ISM1: variants seen among roughly 807,000 people sequenced by gnomAD.
ISM1 encodes the protein isthmin-1.
In ISM1, 25 loss-of-function variants were observed where a neutral mutation model predicts 46.3. The ratio of observed to expected loss-of-function variants is 0.54; its 90% CI spans 0.39 to 0.75. The LOEUF (loss-of-function observed/expected upper bound fraction) is 0.75, where lower values mean the gene tolerates loss of function less well. Among genes scored for constraint, ISM1 ranks in the 30% least tolerant of loss-of-function variants. ISM1 has a pLI of 0.00. For synonymous variants in ISM1, 255 were observed against 256.7 expected, an observed-to-expected ratio of 0.99 and a Z score of 0.06; for missense variants, 536 against 625.4, an observed-to-expected ratio of 0.86 and a Z score of 1.52.
chr20:13,228,977 G>A (rs1302244980), intron 1 of ISM1, among the ~76,000 whole-genome samples: 3 of 152,074 alleles, frequency 2.0e-5, no homozygotes, highest in African/African-American at 7.2e-5. Context: ...CAACCACTCT[G>A]AAACCCAGGA....
At chr20:13,275,633 T>C (rs1466149515) in intron 2 of ISM1, among the ~76,000 whole-genome samples, 1 of 152,218 alleles carries the variant, frequency 6.6e-6, no homozygotes, top group Non-Finnish European at 1.5e-5. Context: ...ATACTACATA[T>C]GAGCAGCTAT....
downstream of ISM1, among the ~76,000 whole-genome samples, chr20:13,302,811 C>T (rs2040470176): frequency 6.6e-6 from 1 of 152,082 alleles, no homozygotes; most frequent in Admixed American, 6.5e-5. Flanking sequence ...AACAGAGATG[C>T]CCACGGCCCT....
At chr20:13,276,796 C>T (rs1012849826) in intron 2 of ISM1, among the ~76,000 whole-genome samples, 4 of 152,120 alleles carry the variant, frequency 2.6e-5, no homozygotes, top group Admixed American at 6.5e-5. Flanking sequence ...AAACATAAAA[C>T]GAGCCCTCGC....
At chr20:13,224,879 T>C (rs1441015465) in intron 1 of ISM1, among the ~76,000 whole-genome samples, 2 of 143,344 alleles carry the variant, frequency 1.4e-5, no homozygotes, top group African/African-American at 2.6e-5. Flanking sequence ...GCAGTCTTGC[T>C]CTGTCGCCCA....
At chr20:13,241,260 T>C (rs183652814) in intron 1 of ISM1, among the ~76,000 whole-genome samples, 1 of 152,132 alleles carries the variant, frequency 6.6e-6, no homozygotes, top group East Asian at 1.9e-4. Context: ...GGTGAGGAAA[T>C]GGAGACAGAA....
chr20:13,237,279 G>A (rs930398381), intron 1 of ISM1, among the ~76,000 whole-genome samples: 2 of 152,148 alleles, frequency 1.3e-5, no homozygotes, highest in African/African-American at 4.8e-5. Flanking sequence ...TGCACTCAAA[G>A]ACCTAAAAAA....
chr20:13,307,347 T>A, the ISM1 span, among the ~76,000 whole-genome samples: 3 of 152,154 alleles, frequency 2.0e-5, no homozygotes. Context: ...CACGGCTCAA[T>A]GAATTTTCAC....
chr20:13,305,168 A>G (rs1330955745), downstream of ISM1, among the ~76,000 whole-genome samples: 1 of 150,556 alleles, frequency 6.6e-6, no homozygotes, highest in Non-Finnish European at 1.5e-5. Flanking sequence ...AGAGACAGGA[A>G]CTCTACTAGA....
chr20:13,298,724 A>G (rs2040430435), intron 5 of ISM1, among the ~76,000 whole-genome samples: 1 of 152,176 alleles, frequency 6.6e-6, no homozygotes, highest in Non-Finnish European at 1.5e-5. Context: ...GAAGTTCCCA[A>G]GTTCAAGGGA....
At chr20:13,302,244 AT>A (rs1377539508), downstream of ISM1, among the ~76,000 whole-genome samples, 11 of 152,210 alleles carry the variant, frequency 7.2e-5, no homozygotes, top group African/African-American at 2.4e-4. Flanking sequence ...TGCTGACCTA[AT>A]GAACTGAGAG....
intron 1 of ISM1, among the ~76,000 whole-genome samples, chr20:13,222,164 G>T (rs1043973549): frequency 5.3e-5 from 8 of 152,198 alleles, no homozygotes; most frequent in Non-Finnish European, 1.2e-4. Flanking sequence ...CACGGGTCAG[G>T]TGCGGGGTTG....
rs772289190 is a variant in ISM1 at position 13,279,654 on chromosome 20, C to G, written c.399C>G (p.Asp133Glu). 3.7e-6 allele frequency: 6 copies of G among 1,613,768 alleles called. No homozygotes were observed. The highest frequency in any genetic ancestry group is 4.2e-6 in the Non-Finnish European group (5 of 1,179,810). The change falls in exon 3 of 6, where the codon GAC becomes GAG. Residue 133 changes from aspartate to glutamate, a missense_variant. Around this residue, in one of 2 missense-constraint regions of ISM1, gnomAD observed 367 missense variants for 376.1 expected, o/e 0.98. Coordinates refer to ENST00000262487, the MANE Select transcript of ISM1 (RefSeq NM_080826.2). ...PNIQVTIEVVDGPDSEADKDQ... is the reference protein window; with the variant it reads ...PNIQVTIEVVEGPDSEADKDQ... ...TTCAGGTCACCATAGAGGTGGTCGACGGTCCTGACTCTGAAGCAGATAAAG... is the reference window on the plus strand; with the variant it reads ...TTCAGGTCACCATAGAGGTGGTCGAGGGTCCTGACTCTGAAGCAGATAAAG...
At chr20:13,252,160 C>G (rs557457420) in intron 1 of ISM1, among the ~76,000 whole-genome samples, 2 of 152,136 alleles carry the variant, frequency 1.3e-5, no homozygotes, top group African/African-American at 4.8e-5. Flanking sequence ...ATCCCTCAGG[C>G]CTCTTTTCTG....
chr20:13,271,488 C>T (rs2040114903), intron 2 of ISM1, among the ~76,000 whole-genome samples: 1 of 152,174 alleles, frequency 6.6e-6, no homozygotes, highest in African/African-American at 2.4e-5. Flanking sequence ...TCCCAACACC[C>T]TCATGAAGGA....
intron 3 of ISM1, among the ~76,000 whole-genome samples, chr20:13,281,989 T>G (rs1568685062): frequency 6.6e-6 from 1 of 152,110 alleles, no homozygotes; most frequent in African/African-American, 2.4e-5. Context: ...GAAATGCAAA[T>G]GTTTCAAGCC....
At chr20:13,321,986 G>A in the ISM1 span, among the ~76,000 whole-genome samples, 2 of 152,040 alleles carry the variant, frequency 1.3e-5, no homozygotes, top group African/African-American at 2.4e-5. Flanking sequence ...TTGCTCACAG[G>A]GTTGCCATGA....
the ISM1 span, among the ~76,000 whole-genome samples, chr20:13,322,584 A>G: frequency 6.6e-6 from 1 of 152,108 alleles, no homozygotes; most frequent in Non-Finnish European, 1.5e-5. Context: ...GACGTGCTCT[A>G]TTTTCTCAGG....
intron 2 of ISM1, among the ~76,000 whole-genome samples, chr20:13,277,646 T>G (rs1229059391): frequency 7.5e-6 from 1 of 133,328 alleles, no homozygotes; most frequent in African/African-American, 2.5e-5. Flanking sequence ...CCCTACCCTT[T>G]TTTTTTTTTT....
At chr20:13,254,162 G>A (rs768043635) in intron 1 of ISM1, among the ~76,000 whole-genome samples, 1 of 151,844 alleles carries the variant, frequency 6.6e-6, no homozygotes. Context: ...GAGCCCAGGA[G>A]GGGGAGGTTG....
Sources: allele counts gnomAD v4.1 joint callset (sites outside exome capture counted in the v4.1 genomes callset), GRCh38; gene constraint gnomAD v4.1.1; regional missense constraint gnomAD v4.1.1; transcripts MANE v1.5; gene names NCBI Gene and HGNC (gene_info 2026-07-23, HGNC 2026-07-21).